ZCCHC24: variants seen among roughly 807,000 people sequenced by gnomAD.
ZCCHC24 encodes zinc finger CCHC-type containing 24, also known as zinc finger CCHC domain-containing protein 24.
Under a neutral mutation model 26.2 loss-of-function variants are expected in ZCCHC24, and 10 were observed. The ratio of observed to expected loss-of-function variants is 0.38; its 90% CI spans 0.24 to 0.65. ZCCHC24 has a LOEUF of 0.65. ZCCHC24 is among the 30% of genes least tolerant of loss of function. The pLI, the probability that ZCCHC24 is intolerant of heterozygous loss-of-function variation, is 0.54. For synonymous variants in ZCCHC24, 144 were observed against 147.1 expected (o/e 0.98, Z 0.15); for missense variants, 243 against 329.1 (o/e 0.74, Z 2.03).
intron 3 of ZCCHC24, among the ~76,000 whole-genome samples, chr10:79,388,021 C>T (rs888741052): frequency 7.2e-5 from 11 of 152,160 alleles, no homozygotes; most frequent in Non-Finnish European, 1.5e-4. Flanking sequence ...TTCATCCTGG[C>T]CAGGGAAGAG....
At chr10:79,441,287 C>G (rs1857288882) in intron 1 of ZCCHC24, among the ~76,000 whole-genome samples, 1 of 152,124 alleles carries the variant, frequency 6.6e-6, no homozygotes. Context: ...GGAAAACTGT[C>G]AAGACTGGGG....
At chr10:79,427,524 AC>A (rs143269720) in intron 2 of ZCCHC24, among the ~76,000 whole-genome samples, 2,837 of 152,284 alleles carry the variant, frequency 0.019, 100 homozygotes, top group African/African-American at 0.064. Context: ...GTTAGAAATC[AC>A]TAAAAGATGT....
chr10:79,436,198 C>G lies in ZCCHC24; in HGVS notation c.247-3440G>C, dbSNP rs540733612. Among the ~76,000 whole-genome samples the G allele has an allele frequency of 3.9e-5, 6 of 152,284 alleles. No homozygotes were observed. The East Asian group carries it at 1.2e-3, about 29-fold the overall frequency. ...CCCTAACCCTGCTCCTCTCACCATG[C>G]CCACCGCGCAGCTCTGCCTTTCTCC... On this transcript the variant is annotated intron_variant, in intron 1 of 3. Transcript: ENST00000372336.
intron 2 of ZCCHC24, among the ~76,000 whole-genome samples, chr10:79,411,319 A>G (rs1463594537): frequency 6.6e-6 from 1 of 152,182 alleles, no homozygotes; most frequent in East Asian, 1.9e-4. Flanking sequence ...GCATGGTGCT[A>G]TAATTAAACA....
chr10:79,397,432 G>A (rs1194195584), intron 2 of ZCCHC24, among the ~76,000 whole-genome samples: 1 of 152,224 alleles, frequency 6.6e-6, no homozygotes, highest in Non-Finnish European at 1.5e-5. Flanking sequence ...TTGATCTCAA[G>A]TTAGTGCATG....
chr10:79,419,069 G>A (rs1856905313), intron 2 of ZCCHC24, among the ~76,000 whole-genome samples: 1 of 152,240 alleles, frequency 6.6e-6, no homozygotes, highest in African/African-American at 2.4e-5. Context: ...GTGCATGCAT[G>A]AAATTAAGCA....
At chr10:79,407,901 G>A (rs965019630) in intron 2 of ZCCHC24, among the ~76,000 whole-genome samples, 4 of 151,976 alleles carry the variant, frequency 2.6e-5, no homozygotes, top group East Asian at 1.9e-4. Flanking sequence ...TGTCAGTGGC[G>A]GCGGGGTACT....
intron 2 of ZCCHC24, 95 bp downstream of exon 2, chr10:79,432,463 C>T: frequency 2.3e-6 from 3 of 1,326,370 alleles, no homozygotes; most frequent in Non-Finnish European, 3.1e-6. Flanking sequence ...TGGAAGGGGC[C>T]CTGGGGACAC....
intron 2 of ZCCHC24, among the ~76,000 whole-genome samples, chr10:79,399,170 A>G (rs1026318144): frequency 6.6e-6 from 1 of 152,144 alleles, no homozygotes; most frequent in Middle Eastern, 3.2e-3. Context: ...GGAGGAGAAG[A>G]AGGACTGTGG....
chr10:79,442,559 G>A (rs1191682565), intron 1 of ZCCHC24, among the ~76,000 whole-genome samples: 1 of 152,186 alleles, frequency 6.6e-6, no homozygotes, highest in Non-Finnish European at 1.5e-5. Flanking sequence ...CACAGGGGTT[G>A]GCGCAGACAG....
intron 2 of ZCCHC24, among the ~76,000 whole-genome samples, chr10:79,412,397 G>A (rs924187692): frequency 1.3e-5 from 2 of 152,236 alleles, no homozygotes; most frequent in Admixed American, 6.5e-5. Flanking sequence ...GGACATGCCC[G>A]TGTACACCCT....
In ZCCHC24 at chr10:79,445,431, G is replaced by A. The variant is rs1462327793; in HGVS notation, c.10C>T (p.Leu4=). The A allele has an allele frequency of 1.4e-6, 2 of 1,466,732 alleles. No individual in the cohort carries two copies. Among genetic ancestry groups the A allele is most frequent in the Admixed American group, 2.4e-5 (1 of 41,410 alleles). The allele number at this position is 1,466,732 out of a possible 1,614,324, so 90.9% of individuals were successfully genotyped here. A position where few individuals can be genotyped will look rare whatever the true frequency, so the allele number is the denominator to read the frequency against. ...GCGGCGCTCGTGTCGATGGCCGACA[G>A]CAGGCTCATTTTGTGGCGGCGGTGC... MSL[L]SAIDTSAASV... The change falls in exon 1 of 4, where the codon CTG becomes TTG. Residue 4 remains leucine (L), a synonymous_variant. Coordinates refer to ENST00000372336, the MANE Select transcript of ZCCHC24 (RefSeq NM_153367.4).
intron 2 of ZCCHC24, among the ~76,000 whole-genome samples, chr10:79,409,566 G>A (rs1257021971): frequency 6.6e-6 from 1 of 152,196 alleles, no homozygotes; most frequent in Non-Finnish European, 1.5e-5. Context: ...TGAAGGGCAA[G>A]TGACCATTTG....
At chr10:79,425,011 C>G (rs1031476420) in intron 2 of ZCCHC24, among the ~76,000 whole-genome samples, 1 of 152,156 alleles carries the variant, frequency 6.6e-6, no homozygotes, top group African/African-American at 2.4e-5. Flanking sequence ...CAGCACAGGC[C>G]TGGTGCACAA....
chr10:79,440,361 G>A (rs1409135499), intron 1 of ZCCHC24, among the ~76,000 whole-genome samples: 1 of 152,212 alleles, frequency 6.6e-6, no homozygotes, highest in African/African-American at 2.4e-5. Flanking sequence ...GGTTGATGGG[G>A]AGTGGCTGGA....
At chr10:79,425,549 G>GAA (rs1370969609) in intron 2 of ZCCHC24, among the ~76,000 whole-genome samples, 2 of 152,212 alleles carry the variant, frequency 1.3e-5, no homozygotes, top group Admixed American at 1.3e-4. Flanking sequence ...GGATGATATT[G>GAA]AAAAAGCATG....
At chr10:79,417,784 C>A (rs1049073631) in intron 2 of ZCCHC24, among the ~76,000 whole-genome samples, 1 of 152,208 alleles carries the variant, frequency 6.6e-6, no homozygotes, top group Non-Finnish European at 1.5e-5. Flanking sequence ...CACCCCCATT[C>A]CATGCACATT....
At position 79,382,927 on chromosome 10, in the gene ZCCHC24, CT is replaced by C. The variant is rs1279022925; in HGVS notation, c.*3417del. ...AGAGCCCTCCCACCAAGCCAAGACG[CT>C]GGTGGACCACAGAGGGGCTGGTTAG... is the stretch of plus-strand genomic sequence containing the variant. On this transcript the variant is annotated 3_prime_UTR_variant, in exon 4 of 4. Transcript: ENST00000372336. 6.6e-6 allele frequency: 1 copy of C among 152,610 alleles called. No individual in the cohort carries two copies. Among genetic ancestry groups the C allele is most frequent in the African/African-American group, 2.4e-5 (1 of 41,458 alleles). 9.5% of individuals were successfully genotyped at this position (152,610 alleles called of 1,614,324 possible).
chr10:79,422,867 C>T (rs977659218), intron 2 of ZCCHC24, among the ~76,000 whole-genome samples: 4 of 152,190 alleles, frequency 2.6e-5, no homozygotes, highest in African/African-American at 7.2e-5. Flanking sequence ...GTGATGGAAA[C>T]GGGTTCTAGA....
Sources: allele counts gnomAD v4.1 joint callset (sites outside exome capture counted in the v4.1 genomes callset), GRCh38; gene constraint gnomAD v4.1.1; transcripts MANE v1.5; gene names NCBI Gene and HGNC (gene_info 2026-07-23, HGNC 2026-07-21).